Variants in CDH4 observed in about 807,000 individuals in gnomAD.
CDH4 encodes the protein cadherin 4.
CDH4 carries 33 observed loss-of-function variants against 86.0 expected under a neutral mutation model. The ratio of observed to expected loss-of-function variants is 0.38; its 90% confidence interval spans 0.29 to 0.51. The LOEUF (loss-of-function observed/expected upper bound fraction) is 0.51. Ranked by LOEUF, CDH4 falls within the 20% of genes least tolerant of loss-of-function variation. CDH4 has a pLI of 0.86. For synonymous variants in CDH4, 555 were observed against 549.4 expected (o/e 1.01, Z -0.14); for missense variants, 1,114 against 1,307.4 (o/e 0.85, Z 2.28).
chr20:61,644,083 C>T (rs1421236520), intron 2 of CDH4, among the ~76,000 whole-genome samples: 1 of 152,106 alleles, frequency 6.6e-6, no homozygotes, highest in Non-Finnish European at 1.5e-5. Flanking sequence ...GGTGGGGATT[C>T]TTGCTAAAGG....
chr20:61,888,782 G>A (rs188917883), intron 7 of CDH4, among the ~76,000 whole-genome samples: 2 of 152,336 alleles, frequency 1.3e-5, no homozygotes, highest in Admixed American at 6.5e-5. Flanking sequence ...GGCCTGAAGC[G>A]CAGACTGACA....
chr20:61,621,498 A>G (rs781774951), intron 2 of CDH4, among the ~76,000 whole-genome samples: 3 of 152,254 alleles, frequency 2.0e-5, no homozygotes, highest in African/African-American at 4.8e-5. Context: ...CTAAAATACC[A>G]TGCAGTCAAT....
chr20:61,534,265 A>C (rs537293943), intron 2 of CDH4, among the ~76,000 whole-genome samples: 121 of 152,226 alleles, frequency 7.9e-4, no homozygotes, highest in African/African-American at 2.7e-3. Context: ...TTTTCTTGTC[A>C]TGTCTCATGC....
At chr20:61,786,186 G>A (rs1978869955) in intron 4 of CDH4, among the ~76,000 whole-genome samples, 1 of 152,130 alleles carries the variant, frequency 6.6e-6, no homozygotes, top group Admixed American at 6.6e-5. Context: ...TCCTTCCGCA[G>A]CAAAACAGCG....
At chr20:61,288,791 G>A (rs1395731563) in intron 2 of CDH4, among the ~76,000 whole-genome samples, 1 of 152,182 alleles carries the variant, frequency 6.6e-6, no homozygotes, top group Non-Finnish European at 1.5e-5. Flanking sequence ...AAGCAGGGCG[G>A]CCAAACAATA....
intron 2 of CDH4, among the ~76,000 whole-genome samples, chr20:61,285,086 T>TTG (rs1555833436): frequency 2.3e-5 from 3 of 129,972 alleles, no homozygotes; most frequent in African/African-American, 9.6e-5. Flanking sequence ...TTTTTTTTTG[T>TTG]TTGTTTGTTT....
chr20:61,379,755 A>G (rs1375354756), intron 2 of CDH4, among the ~76,000 whole-genome samples: 2 of 152,132 alleles, frequency 1.3e-5, no homozygotes, highest in South Asian at 2.1e-4. Context: ...GGTTTAACCA[A>G]CTCTACCCAA....
At chr20:61,618,235 G>A (rs879185591) in intron 2 of CDH4, among the ~76,000 whole-genome samples, 15 of 152,104 alleles carry the variant, frequency 9.9e-5, no homozygotes, top group Admixed American at 2.6e-4. Flanking sequence ...GCCAGTTTCC[G>A]CTGCCTCCTC....
chr20:61,731,648 G>A (rs2088189402), intron 2 of CDH4, among the ~76,000 whole-genome samples: 1 of 152,334 alleles, frequency 6.6e-6, no homozygotes, highest in East Asian at 1.9e-4. Context: ...CTCCTGCCAA[G>A]CCCAGAACTG....
In CDH4 at chr20:61,747,942, T is replaced by TA. The variant is rs11302959; in HGVS notation, c.396+4164dup. 4.4e-3 allele frequency among the ~76,000 whole-genome samples: 658 copies of TA among 149,528 alleles called. 5 individuals carry two copies. Among genetic ancestry groups the TA allele is most frequent in the African/African-American group, 0.013 (533 of 40,776 alleles). On this transcript the variant is annotated intron_variant, in intron 3 of 15. Transcript: ENST00000614565. ...GTGAACTCTATGCAGGAGAAATATT[T>TA]AAAAAAAAAAACAGCACCTGGATGC...
intron 2 of CDH4, among the ~76,000 whole-genome samples, chr20:61,456,736 C>T (rs73915051): frequency 0.01 from 1,554 of 152,240 alleles, 30 homozygotes; most frequent in African/African-American, 0.036. Flanking sequence ...AGAGGAGCTC[C>T]GTGAGGAAGC....
chr20:61,255,676 T>C (rs1342162207), intron 2 of CDH4, among the ~76,000 whole-genome samples: 1 of 152,238 alleles, frequency 6.6e-6, no homozygotes, highest in East Asian at 1.9e-4. Context: ...GAAGAGGACT[T>C]TTGATAAAGT....
chr20:61,585,627 G>A (rs2086462827), intron 2 of CDH4, among the ~76,000 whole-genome samples: 1 of 152,238 alleles, frequency 6.6e-6, no homozygotes, highest in East Asian at 1.9e-4. Flanking sequence ...TGATGGTCAT[G>A]ACGGTGATGG....
intron 2 of CDH4, among the ~76,000 whole-genome samples, chr20:61,656,268 C>T (rs188843216): frequency 0.024 from 2,806 of 117,756 alleles, 173 homozygotes; most frequent in African/African-American, 0.086. Flanking sequence ...TGGGCAGGCG[C>T]GTGCTGGGGT....
At chr20:61,747,768 T>TAAG (rs1263355452) in intron 3 of CDH4, among the ~76,000 whole-genome samples, 1 of 152,084 alleles carries the variant, frequency 6.6e-6, no homozygotes, top group African/African-American at 2.4e-5. Context: ...CCGTAAGAGA[T>TAAG]ATTAGAGAGG....
intron 3 of CDH4, among the ~76,000 whole-genome samples, chr20:61,755,399 A>G (rs2088551166): frequency 6.8e-6 from 1 of 147,026 alleles, no homozygotes; most frequent in African/African-American, 2.5e-5. Context: ...CGCCCCATGC[A>G]CACCACACAC....
intron 4 of CDH4, among the ~76,000 whole-genome samples, chr20:61,804,682 A>T (rs1440740822): frequency 6.6e-6 from 1 of 152,072 alleles, no homozygotes; most frequent in African/African-American, 2.4e-5. Context: ...CCTCCAGGGG[A>T]GGGAGTGGCC....
chr20:61,721,454 A>G lies in CDH4; in HGVS notation c.170-22109A>G, dbSNP rs539643212. ...TGCTTCTCAGTGTCTAAATCATCAG[A>G]AAAAAAATCATTTCTGGTTCATTGA... On this transcript the variant is annotated intron_variant, in intron 2 of 15. Transcript: ENST00000614565. Among the ~76,000 whole-genome samples, 8 of 152,196 alleles carry G rather than the reference A, an allele frequency of 5.3e-5. No individual in the cohort carries two copies. The South Asian group carries it at 1.7e-3, about 32-fold the overall frequency.
At position 61,936,730 on chromosome 20, in the gene CDH4, C is replaced by A. The variant is rs774427578; in HGVS notation, c.2545-7C>A. ...CTGCACCCTAACTCTGTGTCTGTGA[C>A]CCCCAGGGACTCCGCGCTGCTGACA... On this transcript the variant is annotated splice_region_variant and splice_polypyrimidine_tract_variant and intron_variant, in intron 15 of 15. Coordinates refer to ENST00000614565, the MANE Select transcript of CDH4 (RefSeq NM_001794.5). The A allele has an allele frequency of 6.5e-7, 1 of 1,536,802 alleles. No homozygotes were observed.
Sources: gnomAD v4.1 joint callset for allele counts (sites outside exome capture counted in the v4.1 genomes callset) on GRCh38, gnomAD v4.1.1 for gene constraint, MANE v1.5 for transcripts, NCBI Gene and HGNC (gene_info 2026-07-23, HGNC 2026-07-21) for gene names.